Variants in EXOC6B observed in about 807,000 individuals in gnomAD.
EXOC6B encodes SEC15 homolog B.
In EXOC6B, 54 loss-of-function variants were observed where a neutral mutation model predicts 113.5. The ratio of observed to expected loss-of-function variants is 0.48; its 90% confidence interval spans 0.38 to 0.60. The LOEUF (loss-of-function observed/expected upper bound fraction) is 0.60, where lower values mean the gene tolerates loss of function less well. Ranked by LOEUF, EXOC6B falls within the 20% of genes least tolerant of loss-of-function variation. The pLI, the probability that EXOC6B is intolerant of heterozygous loss-of-function variation, is 0.00. For synonymous variants in EXOC6B, 357 were observed against 339.0 expected (o/e 1.05, Z -0.58); for missense variants, 797 against 977.5 (o/e 0.82, Z 2.46).
intron 19 of EXOC6B, among the ~76,000 whole-genome samples, chr2:72,377,109 T>TATGAAAGATAATTAGAAA (rs1691409160): frequency 6.6e-6 from 1 of 152,146 alleles, no homozygotes; most frequent in Non-Finnish European, 1.5e-5. Flanking sequence ...ATGCTTGGAA[T>TATGAAAGATAATTAGAAA]CACTAATTAT....
At chr2:72,472,189 C>G (rs538171966) in intron 17 of EXOC6B, among the ~76,000 whole-genome samples, 10 of 152,042 alleles carry the variant, frequency 6.6e-5, no homozygotes, top group African/African-American at 2.4e-4. Context: ...TGTTGTTGTT[C>G]CTTTTTCTGG....
intron 19 of EXOC6B, among the ~76,000 whole-genome samples, chr2:72,337,317 TAACTC>T (rs1688745497): frequency 6.6e-6 from 1 of 152,196 alleles, no homozygotes; most frequent in South Asian, 2.1e-4. Context: ...TGGCATTGCA[TAACTC>T]AAGTCTATGC....
At chr2:72,547,343 T>C (rs1702966753) in intron 8 of EXOC6B, among the ~76,000 whole-genome samples, 2 of 152,210 alleles carry the variant, frequency 1.3e-5, no homozygotes, top group Admixed American at 6.5e-5. Context: ...GGACCCAAGA[T>C]GTCAGAAATC....
At chr2:72,612,093 TGG>T (rs1671108600) in intron 6 of EXOC6B, among the ~76,000 whole-genome samples, 3 of 151,764 alleles carry the variant, frequency 2.0e-5, no homozygotes, top group Admixed American at 2.0e-4. Context: ...CTGGGCAACA[TGG>T]CAAAAACTGT....
intron 6 of EXOC6B, among the ~76,000 whole-genome samples, chr2:72,640,391 T>C (rs1005741676): frequency 1.3e-5 from 2 of 152,286 alleles, no homozygotes; most frequent in African/African-American, 2.4e-5. Flanking sequence ...CTACAACTCT[T>C]TGGTGTCCTG....
chr2:72,239,182 T>G (rs888161583), intron 20 of EXOC6B, among the ~76,000 whole-genome samples: 8 of 152,242 alleles, frequency 5.3e-5, no homozygotes, highest in African/African-American at 1.9e-4. Context: ...TGAGCCACTG[T>G]GCGTGGCGTG....
rs1469915085 is a variant in EXOC6B, at chr2:72,718,170, T to C, written c.602A>G (p.Asp201Gly). 1 of 1,613,732 alleles carries C rather than the reference T, an allele frequency of 6.2e-7. No homozygotes were observed. The highest frequency in any genetic ancestry group is 8.5e-7 in the Non-Finnish European group (1 of 1,179,812). The change falls in exon 6 of 22, where the codon GAT (aspartate) becomes GGT (glycine). Residue 201 changes from aspartate to glycine, a missense_variant. By Grantham distance (94) the Asp-to-Gly change is moderately conservative (BLOSUM62 -1). Transcript: ENST00000272427. Reference protein sequence around the residue: ...REEIKDVSMSDLKDFLESIRK... With the variant: ...REEIKDVSMSGLKDFLESIRK... Reference sequence around the variant, plus strand: ...GATGCTCTCCAGAAAGTCTTTGAGATCGGACATAGAAACATCTTTTATTTC... The same window carrying C: ...GATGCTCTCCAGAAAGTCTTTGAGACCGGACATAGAAACATCTTTTATTTC...
chr2:72,184,294 T>C, intron 20 of EXOC6B, 107 bp from the exon 21 acceptor site: 1 of 578,348 alleles, frequency 1.7e-6, no homozygotes, highest in Non-Finnish European at 3.1e-6. Flanking sequence ...ATTGGATATA[T>C]AAAAATTAAA....
chr2:72,666,384 C>T (rs1054810476), intron 6 of EXOC6B, among the ~76,000 whole-genome samples: 6 of 152,130 alleles, frequency 3.9e-5, no homozygotes, highest in African/African-American at 1.2e-4. Flanking sequence ...AGATCAACCA[C>T]ATGCTTGGTC....
intron 20 of EXOC6B, among the ~76,000 whole-genome samples, chr2:72,274,098 GAAATAGAACAAATAA>G (rs1346552813): frequency 1.3e-5 from 2 of 152,078 alleles, no homozygotes; most frequent in African/African-American, 4.8e-5. Context: ...CCAGAGTATA[GAAATAGAACAAATAA>G]ACTATGATGC....
intron 8 of EXOC6B, among the ~76,000 whole-genome samples, chr2:72,521,942 T>C (rs1384893328): frequency 6.6e-6 from 1 of 152,200 alleles, no homozygotes; most frequent in Non-Finnish European, 1.5e-5. Flanking sequence ...GTGATCCACC[T>C]GCCTTGGCCT....
At chr2:72,794,477 T>A (rs1231317808) in intron 1 of EXOC6B, among the ~76,000 whole-genome samples, 3 of 151,960 alleles carry the variant, frequency 2.0e-5, no homozygotes, top group Non-Finnish European at 4.4e-5. Context: ...GAAAAAAAAA[T>A]TCATATAAAA....
At chr2:72,596,416 G>T (rs558985952) in intron 6 of EXOC6B, among the ~76,000 whole-genome samples, 2 of 152,208 alleles carry the variant, frequency 1.3e-5, no homozygotes, top group Admixed American at 6.5e-5. Context: ...AAGAGGCCCA[G>T]TCTTAGGGGG....
rs200442752 is a variant in EXOC6B, at chr2:72,768,288, CTTTTTT to C, written c.114-26825_114-26820del. The stretch of plus-strand genomic sequence containing the variant: ...TTCTATTCCCCTAGGAGAATGCAAG[CTTTTTT>C]TTTTTTTTTTTTTCGAGACAGAGTT... On this transcript the variant is annotated intron_variant, in intron 1 of 21. Coordinates refer to ENST00000272427, the MANE Select transcript of EXOC6B (RefSeq NM_015189.3). Among the ~76,000 whole-genome samples, 776 of 105,360 alleles carry C rather than the reference CTTTTTT, an allele frequency of 7.4e-3. 9 individuals carry two copies. The highest frequency in any genetic ancestry group is 0.024 in the African/African-American group (731 of 30,732). The allele number at this position is 105,360 out of a possible 152,430, so 69.1% of individuals were successfully genotyped here. A position where few individuals can be genotyped will look rare whatever the true frequency, so the allele number is the denominator to read the frequency against.
intron 6 of EXOC6B, among the ~76,000 whole-genome samples, chr2:72,685,982 G>A (rs957688201): frequency 6.6e-6 from 1 of 152,158 alleles, no homozygotes; most frequent in African/African-American, 2.4e-5. Context: ...CTACAAGACA[G>A]AACTTGTATA....
intron 20 of EXOC6B, among the ~76,000 whole-genome samples, chr2:72,248,422 T>G (rs1682803318): frequency 6.6e-6 from 1 of 152,204 alleles, no homozygotes; most frequent in African/African-American, 2.4e-5. Flanking sequence ...GGAGAGACAC[T>G]TTAGCTTAAA....
chr2:72,786,317 C>CA, intron 1 of EXOC6B, among the ~76,000 whole-genome samples: 1 of 152,136 alleles, frequency 6.6e-6, no homozygotes, highest in Middle Eastern at 3.2e-3. Flanking sequence ...ATAGCAAGTA[C>CA]AAAAACTATA....
At chr2:72,687,305 G>A (rs1199007890) in intron 6 of EXOC6B, among the ~76,000 whole-genome samples, 1 of 152,072 alleles carries the variant, frequency 6.6e-6, no homozygotes, top group Non-Finnish European at 1.5e-5. Flanking sequence ...GGCACTATAT[G>A]CAACCTAACA....
intron 20 of EXOC6B, among the ~76,000 whole-genome samples, chr2:72,263,020 G>C (rs1221798446): frequency 6.6e-6 from 1 of 152,070 alleles, no homozygotes. Flanking sequence ...ATCCAAAGTT[G>C]GGGGGGACAA....
Sources: gnomAD v4.1 joint callset for allele counts (sites outside exome capture counted in the v4.1 genomes callset) on GRCh38, gnomAD v4.1.1 for gene constraint, MANE v1.5 for transcripts, NCBI Gene and HGNC (gene_info 2026-07-23, HGNC 2026-07-21) for gene names.